ZCCHC24: variants seen among roughly 807,000 people sequenced by gnomAD.
ZCCHC24 encodes zinc finger CCHC domain-containing protein 24.
ZCCHC24 carries 10 observed loss-of-function variants against 26.2 expected under a neutral mutation model. That is an observed-to-expected ratio of 0.38 (90% confidence interval 0.24 to 0.65). The LOEUF (loss-of-function observed/expected upper bound fraction) is 0.65, where lower values mean the gene tolerates loss of function less well. Ranked by LOEUF, ZCCHC24 falls within the 30% of genes least tolerant of loss-of-function variation. The pLI is 0.54. For missense variants in ZCCHC24, 243 were observed against 329.1 expected (o/e 0.74, Z 2.03); for synonymous variants, 144 against 147.1 (o/e 0.98, Z 0.15).
chr10:79,413,892 A>G (rs1856827244), intron 2 of ZCCHC24, among the ~76,000 whole-genome samples: 1 of 152,216 alleles, frequency 6.6e-6, no homozygotes, highest in South Asian at 2.1e-4. Flanking sequence ...AGATGGGTGG[A>G]TACAAGCAGC....
At chr10:79,430,788 C>T (rs1227385726) in intron 2 of ZCCHC24, among the ~76,000 whole-genome samples, 1 of 152,066 alleles carries the variant, frequency 6.6e-6, no homozygotes, top group Non-Finnish European at 1.5e-5. Context: ...GGCCCTGCCA[C>T]CCTTCTCCAA....
rs145048628 is a variant in ZCCHC24 at position 79,391,093 on chromosome 10, T to C, written c.612+3183A>G. ...CACCAGCTGACTGGTCACTGGTCAC[T>C]TGACTACTCAAGTCCTGTCTCCTTT... is the stretch of plus-strand genomic sequence containing the variant. On this transcript the variant is annotated intron_variant, in intron 3 of 3. Coordinates refer to ENST00000372336, the MANE Select transcript of ZCCHC24 (RefSeq NM_153367.4). 3.2e-3 allele frequency among the ~76,000 whole-genome samples: 491 copies of C among 152,284 alleles called. 4 individuals are homozygous for C. The highest frequency in any genetic ancestry group is 0.011 in the African/African-American group (470 of 41,570).
At chr10:79,407,316 C>G (rs978255506) in intron 2 of ZCCHC24, among the ~76,000 whole-genome samples, 3 of 152,202 alleles carry the variant, frequency 2.0e-5, no homozygotes, top group African/African-American at 4.8e-5. Flanking sequence ...ACACACAGGG[C>G]TGGGAGCGCC....
chr10:79,413,907 C>G (rs12358729), intron 2 of ZCCHC24, among the ~76,000 whole-genome samples: 1 of 152,078 alleles, frequency 6.6e-6, no homozygotes, highest in Non-Finnish European at 1.5e-5. Context: ...AGCAGCAATT[C>G]GGGGATGTAG....
At chr10:79,393,025 C>A (rs796413912) in intron 3 of ZCCHC24, among the ~76,000 whole-genome samples, 5 of 152,320 alleles carry the variant, frequency 3.3e-5, no homozygotes, top group African/African-American at 1.2e-4. Context: ...GGACTCCACA[C>A]CCCCTGGTTC....
chr10:79,430,686 C>CCACACACACACACACACACA (rs71030975), intron 2 of ZCCHC24, among the ~76,000 whole-genome samples: 1 of 140,618 alleles, frequency 7.1e-6, no homozygotes. Context: ...CACACACACA[C>CCACACACACACACACACACA]CACACACACA....
intron 3 of ZCCHC24, among the ~76,000 whole-genome samples, chr10:79,390,004 C>T (rs1315501284): frequency 6.6e-6 from 1 of 152,180 alleles, no homozygotes; most frequent in Non-Finnish European, 1.5e-5. Flanking sequence ...GCTGGGACCA[C>T]AGGCATGCAC....
intron 1 of ZCCHC24, among the ~76,000 whole-genome samples, chr10:79,444,475 C>T (rs1432238716): frequency 6.6e-6 from 1 of 152,080 alleles, no homozygotes; most frequent in East Asian, 1.9e-4. Context: ...AACCTCTCCC[C>T]CCCCCTTTCT....
intron 2 of ZCCHC24, among the ~76,000 whole-genome samples, chr10:79,408,629 T>C (rs1341895040): frequency 2.0e-5 from 3 of 152,098 alleles, no homozygotes; most frequent in Non-Finnish European, 4.4e-5. Flanking sequence ...TTCAGATCAT[T>C]AAAGCTGTGA....
intron 3 of ZCCHC24, among the ~76,000 whole-genome samples, chr10:79,393,362 G>A (rs72818300): frequency 0.086 from 13,133 of 152,142 alleles, 636 homozygotes; most frequent in Non-Finnish European, 0.094. Flanking sequence ...GTTCAGGAAC[G>A]ACCTCCTCTA....
In ZCCHC24 at chr10:79,444,135, C is replaced by T; in HGVS notation, c.246+1060G>A. 3.2e-6 allele frequency: 5 copies of T among 1,546,162 alleles called. No homozygotes were observed. The South Asian group carries it at 4.8e-5, about 15-fold the overall frequency. On this transcript the variant is annotated intron_variant, in intron 1 of 3. Coordinates refer to ENST00000372336, the MANE Select transcript of ZCCHC24 (RefSeq NM_153367.4). Reference sequence around the variant, plus strand: ...CCAGGTCTGGAAGGAAAGTGACCCCCATGTGTGTCCTCCCCCGAACACACC... The same window carrying T: ...CCAGGTCTGGAAGGAAAGTGACCCCTATGTGTGTCCTCCCCCGAACACACC...
At chr10:79,420,796 A>G (rs1161293304) in intron 2 of ZCCHC24, among the ~76,000 whole-genome samples, 1 of 152,062 alleles carries the variant, frequency 6.6e-6, no homozygotes, top group Non-Finnish European at 1.5e-5. Flanking sequence ...TAATAATAAT[A>G]ATGACAGTAA....
chr10:79,445,056 G>GAAGCC, intron 1 of ZCCHC24, 139 bp downstream of exon 1: 1 of 937,650 alleles, frequency 1.1e-6, no homozygotes, highest in East Asian at 3.3e-5. Flanking sequence ...AGAGTTGAAC[G>GAAGCC]AAGCCAAGCC....
At chr10:79,388,988 C>T (rs901646079) in intron 3 of ZCCHC24, among the ~76,000 whole-genome samples, 2 of 152,220 alleles carry the variant, frequency 1.3e-5, no homozygotes, top group Non-Finnish European at 2.9e-5. Context: ...TGCCTACCGC[C>T]TGCAGCTGGC....
At chr10:79,405,022 C>T (rs1037522837) in intron 2 of ZCCHC24, among the ~76,000 whole-genome samples, 23 of 152,220 alleles carry the variant, frequency 1.5e-4, no homozygotes, top group Non-Finnish European at 5.9e-5. Flanking sequence ...TGCTCAGGAG[C>T]TCACTCCACT....
At chr10:79,391,577 C>T (rs1471427192) in intron 3 of ZCCHC24, among the ~76,000 whole-genome samples, 1 of 151,942 alleles carries the variant, frequency 6.6e-6, no homozygotes, top group Non-Finnish European at 1.5e-5. Flanking sequence ...CCCCAGCAGC[C>T]CCCATACATC....
chr10:79,384,817 A>ATT lies in ZCCHC24; in HGVS notation c.*1526_*1527dup, dbSNP rs3839927. ...AATTTCAGGCTCATTTCTTGGTCTG[A>ATT]TTTTTTTTTTTTCCCACAGAGGCAT... On this transcript the variant is annotated 3_prime_UTR_variant, in exon 4 of 4. Coordinates refer to ENST00000372336, the MANE Select transcript of ZCCHC24 (RefSeq NM_153367.4). The ATT allele has an allele frequency of 3.4e-4, 50 of 148,474 alleles. No homozygotes were observed. Among genetic ancestry groups the ATT allele is most frequent in the East Asian group, 5.9e-4 (3 of 5,112 alleles). The allele number at this position is 148,474 out of a possible 1,614,324, so 9.2% of individuals were successfully genotyped here.
intron 2 of ZCCHC24, among the ~76,000 whole-genome samples, chr10:79,397,546 G>A (rs1050438635): frequency 1.3e-5 from 2 of 152,122 alleles, no homozygotes; most frequent in African/African-American, 4.8e-5. Flanking sequence ...TCCATTATCT[G>A]AAATAAAGCA....
At chr10:79,437,070 A>C (rs1857226071) in intron 1 of ZCCHC24, among the ~76,000 whole-genome samples, 1 of 152,052 alleles carries the variant, frequency 6.6e-6, no homozygotes, top group Non-Finnish European at 1.5e-5. Context: ...ACAGGGTCTT[A>C]CTGTTCTTAC....
Sources: allele counts gnomAD v4.1 joint callset (sites outside exome capture counted in the v4.1 genomes callset), GRCh38; gene constraint gnomAD v4.1.1; transcripts MANE v1.5; gene names NCBI Gene and HGNC (gene_info 2026-07-23, HGNC 2026-07-21).